Variants in COL24A1 observed in about 807,000 individuals in gnomAD.
COL24A1 encodes the protein collagen alpha-1(XXIV) chain.
COL24A1 carries 224 observed loss-of-function variants against 253.9 expected under a neutral mutation model. That is an observed-to-expected ratio of 0.88 (90% CI 0.79 to 0.99). The LOEUF (loss-of-function observed/expected upper bound fraction) is 0.99, where lower values mean the gene tolerates loss of function less well. COL24A1 is among the 50% of genes least tolerant of loss of function. The pLI, the probability that COL24A1 is intolerant of heterozygous loss-of-function variation, is 0.00. For missense variants in COL24A1, 2,131 were observed against 2,068.5 expected (o/e 1.03, Z -0.59); for synonymous variants, 685 against 673.7 (o/e 1.02, Z -0.26).
rs768276731 is a variant in COL24A1 at position 85,849,314 on chromosome 1, G to C, written c.3354+39C>G. Reference sequence around the variant, plus strand: ...AGTCTATGGAGTTCTGGGCACATCAGAAGAAAGAAAACCTGCATAAGAAGA... The same window carrying C: ...AGTCTATGGAGTTCTGGGCACATCACAAGAAAGAAAACCTGCATAAGAAGA... On this transcript the variant is annotated intron_variant, in intron 38 of 59. Transcript: ENST00000370571. The C allele has an allele frequency of 7.7e-6, 12 of 1,567,650 alleles. No homozygotes were observed. In the African/African-American group the frequency reaches 1.6e-4, roughly 21 times the overall value.
At chr1:85,899,659 ATTGT>A (rs1334027425) in intron 28 of COL24A1, among the ~76,000 whole-genome samples, 3 of 152,198 alleles carry the variant, frequency 2.0e-5, no homozygotes, top group African/African-American at 7.2e-5. Context: ...ATTTAAAAAG[ATTGT>A]TTGGTCCAAA....
chr1:85,775,981 G>A (rs189294036), intron 52 of COL24A1, among the ~76,000 whole-genome samples: 79 of 152,224 alleles, frequency 5.2e-4, no homozygotes, highest in African/African-American at 1.9e-3. Context: ...ATTCAATTAA[G>A]TCAAAACAGC....
At position 86,125,594 on chromosome 1, in the gene COL24A1, A is replaced by AT; in HGVS notation, c.741dup (p.Tyr248IlefsTer4). The AT allele has an allele frequency of 6.2e-7, 1 of 1,613,320 alleles. No homozygotes were observed. On this transcript the variant is annotated frameshift_variant, in exon 3 of 60. Transcript: ENST00000370571. LOFTEE classifies it high-confidence loss of function. ...CAAGGAATGCTTGTTTCAGGTTGGT[A>AT]TTTGTCTGCTTGGCGACACTGCTGT...
At chr1:85,868,329 T>C (rs533598335) in intron 37 of COL24A1, among the ~76,000 whole-genome samples, 190 bp downstream of exon 37, 1 of 152,328 alleles carries the variant, frequency 6.6e-6, no homozygotes, top group East Asian at 1.9e-4. Context: ...GGAAAAAGTA[T>C]CTTTCCTCTT....
intron 5 of COL24A1, among the ~76,000 whole-genome samples, chr1:86,108,043 C>T (rs2102108880): frequency 6.6e-6 from 1 of 152,152 alleles, no homozygotes; most frequent in East Asian, 1.9e-4. Flanking sequence ...TAGTTATAGT[C>T]AAAATTAAGT....
chr1:86,122,241 C>T (rs1571995403), intron 3 of COL24A1, among the ~76,000 whole-genome samples: 2 of 152,104 alleles, frequency 1.3e-5, no homozygotes, highest in South Asian at 2.1e-4. Context: ...AATTCCTTCT[C>T]AAAAGTCTCT....
rs1323531905 is a variant in COL24A1, at chr1:85,841,230, C to T, written c.3619G>A (p.Gly1207Ser). ...TTCAGAAAAAGACCTACTGGTTCAC[C>T]TCGAGGCCCAGGTGGTCCTAGGACT... Reference protein sequence around the residue: ...STVLGPPGPRGEPGPVGDQGE... With the variant: ...STVLGPPGPRSEPGPVGDQGE... Residue 1207 changes from glycine to serine, a missense_variant, in exon 42 of 60, where the codon GGT (glycine) becomes AGT (serine). Physicochemically the swap from Gly to Ser is moderately conservative, Grantham distance 56 (BLOSUM62 0). Coordinates refer to ENST00000370571, the MANE Select transcript of COL24A1 (RefSeq NM_152890.7). 2.5e-6 allele frequency: 4 copies of T among 1,602,794 alleles called. No homozygotes were observed. Among genetic ancestry groups the T allele is most frequent in the Admixed American group, 1.7e-5 (1 of 57,984 alleles).
intron 3 of COL24A1, among the ~76,000 whole-genome samples, chr1:86,120,382 A>C (rs564512452): frequency 1.3e-3 from 196 of 152,344 alleles, no homozygotes; most frequent in Middle Eastern, 3.4e-3. Context: ...AAATTTTTGC[A>C]ATCTACTCAT....
At chr1:86,084,823 C>T (rs1169766458) in intron 7 of COL24A1, among the ~76,000 whole-genome samples, 1 of 152,154 alleles carries the variant, frequency 6.6e-6, no homozygotes, top group African/African-American at 2.4e-5. Flanking sequence ...CACTGTGATA[C>T]CTTGTTCTCA....
intron 12 of COL24A1, chr1:86,045,931 T>C (rs1202949458): frequency 1.0e-5 from 4 of 395,790 alleles, no homozygotes; most frequent in African/African-American, 4.2e-5. Flanking sequence ...AGGAAAAGGA[T>C]TCTGGATTTA....
chr1:85,859,419 G>C (rs1016859709), intron 37 of COL24A1, among the ~76,000 whole-genome samples: 1 of 152,136 alleles, frequency 6.6e-6, no homozygotes, highest in Non-Finnish European at 1.5e-5. Flanking sequence ...CTAGGGAACA[G>C]AACATATGAA....
chr1:85,896,472 A>T lies in COL24A1; in HGVS notation c.2779-63T>A, dbSNP rs903545632. 7 of 1,343,288 alleles carry T rather than the reference A, an allele frequency of 5.2e-6. No homozygotes were observed. In the Admixed American group the frequency reaches 1.2e-4, roughly 23 times the overall value. The allele number at this position is 1,343,288 out of a possible 1,614,324, so 83.2% of individuals were successfully genotyped here. A position where few individuals can be genotyped will look rare whatever the true frequency, so the allele number is the denominator to read the frequency against. ...TGTTCCTTTTTTTTTCTTAACAGTT[A>T]TGTGTCCTCACAGATGAACATGTTG... On this transcript the variant is annotated intron_variant, in intron 28 of 59. Transcript: ENST00000370571.
intron 8 of COL24A1, among the ~76,000 whole-genome samples, chr1:86,060,102 G>C (rs185506586): frequency 1.3e-5 from 2 of 152,240 alleles, no homozygotes; most frequent in East Asian, 1.9e-4. Flanking sequence ...TTTGCTCAGG[G>C]AAGGCTGATA....
At chr1:85,843,732 A>G (rs768362700) in intron 39 of COL24A1, among the ~76,000 whole-genome samples, 3 of 152,098 alleles carry the variant, frequency 2.0e-5, no homozygotes, top group African/African-American at 7.2e-5. Flanking sequence ...TTCCTATTCT[A>G]CTTGTGCTGG....
chr1:85,894,066 T>G (rs1271060963), intron 31 of COL24A1, among the ~76,000 whole-genome samples: 1 of 152,232 alleles, frequency 6.6e-6, no homozygotes, highest in Admixed American at 6.5e-5. Flanking sequence ...CATAAATGAC[T>G]AAAAACGCTA....
intron 2 of COL24A1, among the ~76,000 whole-genome samples, chr1:86,133,777 T>C (rs903440402): frequency 4.7e-5 from 7 of 150,062 alleles, no homozygotes; most frequent in African/African-American, 7.4e-5. Context: ...GATGTTTGCA[T>C]TGATGTTCAT....
Position 86,089,447 on chromosome 1 carries a change from G to A in COL24A1, c.1654-220C>T, listed in dbSNP as rs190509199. The stretch of plus-strand genomic sequence containing the variant: ...TTTCCCACCTCCATATCCTTGCTCC[G>A]TTTTCTCTGATGTTCTTTTCTGTAA... On this transcript the variant is annotated intron_variant, in intron 6 of 59. Coordinates refer to ENST00000370571, the MANE Select transcript of COL24A1 (RefSeq NM_152890.7). Among the ~76,000 whole-genome samples the A allele has an allele frequency of 3.9e-5, 6 of 152,148 alleles. No homozygotes were observed. The East Asian group carries it at 7.7e-4, about 20-fold the overall frequency.
chr1:85,903,689 C>A (rs1408451478), intron 28 of COL24A1, among the ~76,000 whole-genome samples: 1 of 152,080 alleles, frequency 6.6e-6, no homozygotes, highest in Non-Finnish European at 1.5e-5. Context: ...ATAAACTAAG[C>A]ATGTTTTATA....
intron 53 of COL24A1, among the ~76,000 whole-genome samples, chr1:85,771,243 C>A (rs1667925143): frequency 3.3e-5 from 5 of 151,964 alleles, no homozygotes; most frequent in Admixed American, 3.3e-4. Context: ...CTAATGTTAT[C>A]CCTCACCTAG....
Sources: gnomAD v4.1 joint callset for allele counts (sites outside exome capture counted in the v4.1 genomes callset) on GRCh38, gnomAD v4.1.1 for gene constraint, MANE v1.5 for transcripts, NCBI Gene and HGNC (gene_info 2026-07-23, HGNC 2026-07-21) for gene names.